AGBL1: variants seen among roughly 807,000 people sequenced by gnomAD.
AGBL1 encodes AGBL carboxypeptidase 1.
In AGBL1, 130 loss-of-function variants were observed where a neutral mutation model predicts 118.9. The ratio of observed to expected loss-of-function variants is 1.09; its 90% confidence interval spans 0.95 to 1.26. The LOEUF is 1.26. Among genes scored for constraint, AGBL1 ranks in the 50% most tolerant of loss-of-function variants. The pLI, the probability that AGBL1 is intolerant of heterozygous loss-of-function variation, is 0.00. For missense variants in AGBL1, 1,584 were observed against 1,298.1 expected (o/e 1.22, Z -3.38); for synonymous variants, 555 against 478.9 (o/e 1.16, Z -2.08).
intron 21 of AGBL1, among the ~76,000 whole-genome samples, chr15:86,595,499 G>A (rs995552265): frequency 6.6e-6 from 1 of 151,974 alleles, no homozygotes; most frequent in African/African-American, 2.4e-5. Flanking sequence ...AAATTCTCTT[G>A]TCTTTACATT....
chr15:86,561,630 A>G (rs1057096845), intron 21 of AGBL1, among the ~76,000 whole-genome samples: 10 of 152,172 alleles, frequency 6.6e-5, no homozygotes, highest in African/African-American at 2.4e-4. Context: ...TTGTCTTGGC[A>G]ATGCGGGCTC....
intron 22 of AGBL1, among the ~76,000 whole-genome samples, chr15:86,745,997 G>T (rs1454563658): frequency 6.6e-6 from 1 of 152,018 alleles, no homozygotes; most frequent in Non-Finnish European, 1.5e-5. Context: ...GTGCTAAGAA[G>T]CCAGGGCAGT....
intron 21 of AGBL1, among the ~76,000 whole-genome samples, chr15:86,577,505 G>A (rs904503478): frequency 2.0e-5 from 3 of 152,204 alleles, no homozygotes; most frequent in Non-Finnish European, 4.4e-5. Flanking sequence ...ATTCAAGACA[G>A]CTGAAGAAAT....
intron 22 of AGBL1, among the ~76,000 whole-genome samples, chr15:86,891,231 T>C (rs569262906): frequency 8.5e-5 from 13 of 152,264 alleles, no homozygotes; most frequent in African/African-American, 3.1e-4. Flanking sequence ...TGTACGTTGA[T>C]GTTGTATCCT....
intron 19 of AGBL1, among the ~76,000 whole-genome samples, chr15:86,534,443 GA>G (rs1372696364): frequency 6.6e-6 from 1 of 152,114 alleles, no homozygotes; most frequent in African/African-American, 2.4e-5. Context: ...TCTGCCCTGT[GA>G]AATTGAAAGT....
At chr15:86,668,407 C>T (rs2085684238) in intron 21 of AGBL1, among the ~76,000 whole-genome samples, 2 of 152,020 alleles carry the variant, frequency 1.3e-5, no homozygotes, top group East Asian at 3.9e-4. Flanking sequence ...CTTTTTGTGC[C>T]TTTTAATGTA....
At chr15:86,811,821 A>G (rs1483121438) in intron 22 of AGBL1, among the ~76,000 whole-genome samples, 2 of 152,194 alleles carry the variant, frequency 1.3e-5, no homozygotes, top group Non-Finnish European at 2.9e-5. Context: ...TAAATTTGGA[A>G]GGAGTTATAA....
intron 17 of AGBL1, among the ~76,000 whole-genome samples, chr15:86,337,801 A>T (rs1239371623): frequency 6.6e-6 from 1 of 152,248 alleles, no homozygotes; most frequent in Non-Finnish European, 1.5e-5. Flanking sequence ...GCAAATCACC[A>T]TGGCACATGT....
intron 22 of AGBL1, among the ~76,000 whole-genome samples, chr15:86,733,960 C>T (rs1169020117): frequency 6.6e-6 from 1 of 152,160 alleles, no homozygotes; most frequent in Non-Finnish European, 1.5e-5. Context: ...TAAACTCCTC[C>T]TCCCTTCTCT....
At chr15:86,549,932 T>C (rs2083642315) in intron 20 of AGBL1, among the ~76,000 whole-genome samples, 1 of 150,970 alleles carries the variant, frequency 6.6e-6, no homozygotes, top group Admixed American at 6.6e-5. Flanking sequence ...AAGGAGATAG[T>C]GTTGATGAGT....
intron 22 of AGBL1, among the ~76,000 whole-genome samples, chr15:86,854,928 A>G (rs2079456975): frequency 6.6e-6 from 1 of 152,088 alleles, no homozygotes; most frequent in Non-Finnish European, 1.5e-5. Flanking sequence ...CTTTTTGATG[A>G]CTTCAGTGAT....
intron 17 of AGBL1, among the ~76,000 whole-genome samples, chr15:86,323,833 A>C (rs1260470660): frequency 6.6e-6 from 1 of 152,140 alleles, no homozygotes; most frequent in South Asian, 2.1e-4. Flanking sequence ...TATTTTGCAA[A>C]CTTAATGGAC....
At chr15:86,656,716 C>A (rs912027877) in intron 21 of AGBL1, among the ~76,000 whole-genome samples, 3 of 152,108 alleles carry the variant, frequency 2.0e-5, no homozygotes, top group African/African-American at 7.2e-5. Context: ...ACCCTTGTGA[C>A]CTTCTTCCTT....
chr15:86,865,427 G>A (rs573136581), intron 22 of AGBL1, among the ~76,000 whole-genome samples: 1 of 152,332 alleles, frequency 6.6e-6, no homozygotes, highest in Admixed American at 6.5e-5. Context: ...TTGAAACTGA[G>A]CACTTCAGAA....
intron 21 of AGBL1, among the ~76,000 whole-genome samples, chr15:86,643,534 CT>C (rs951516974): frequency 1.3e-5 from 2 of 151,988 alleles, no homozygotes; most frequent in African/African-American, 2.4e-5. Context: ...GCTAACTTCT[CT>C]TTTTTTCTTA....
At chr15:86,607,255 A>T (rs2084590694) in intron 21 of AGBL1, among the ~76,000 whole-genome samples, 1 of 152,148 alleles carries the variant, frequency 6.6e-6, no homozygotes, top group South Asian at 2.1e-4. Context: ...GCTATCATGA[A>T]TCAGGTGCAT....
chr15:86,344,529 A>T (rs1006495741), intron 17 of AGBL1, among the ~76,000 whole-genome samples: 1 of 151,870 alleles, frequency 6.6e-6, no homozygotes, highest in Non-Finnish European at 1.5e-5. Flanking sequence ...CAGCTTTAGG[A>T]GGAGGCAGCA....
At chr15:86,410,807 G>GATATATATATATATATATAT (rs36127489) in intron 18 of AGBL1, among the ~76,000 whole-genome samples, 38 of 40,352 alleles carry the variant, frequency 9.4e-4, no homozygotes, top group African/African-American at 1.5e-3. Context: ...GTCAAATGTA[G>GATATATATATATATATATAT]ATATATATAT....
chr15:86,893,045 A>G (rs780136058), intron 22 of AGBL1, among the ~76,000 whole-genome samples: 5 of 152,178 alleles, frequency 3.3e-5, no homozygotes, highest in African/African-American at 7.2e-5. Flanking sequence ...GGTGTGGGCA[A>G]TGCTGCTAAA....
Sources: allele counts gnomAD v4.1 joint callset (sites outside exome capture counted in the v4.1 genomes callset), GRCh38; gene constraint gnomAD v4.1.1; transcripts MANE v1.5; gene names NCBI Gene and HGNC (gene_info 2026-07-23, HGNC 2026-07-21).